Variants in MIR2052HG observed in about 807,000 individuals in gnomAD.
MIR2052HG encodes MIR2052 host gene.
At chr8:74,754,207 C>T (rs1056075388) in intron 5 of MIR2052HG, among the ~76,000 whole-genome samples, 3 of 152,206 alleles carry the variant, frequency 2.0e-5, no homozygotes, top group Non-Finnish European at 4.4e-5. Context: ...GCACTCAGCA[C>T]ATAGGAAGCA....
chr8:74,634,966 G>GAA (rs1808563447), intron 2 of MIR2052HG, among the ~76,000 whole-genome samples: 2 of 152,096 alleles, frequency 1.3e-5, no homozygotes, highest in South Asian at 4.1e-4. Context: ...TCAAAAGAAG[G>GAA]AAAATGTATA....
chr8:74,670,942 T>C (rs1358600127), intron 2 of MIR2052HG, among the ~76,000 whole-genome samples: 1 of 152,098 alleles, frequency 6.6e-6, no homozygotes, highest in African/African-American at 2.4e-5. Flanking sequence ...TTTTTTTCTC[T>C]CATTTATTTT....
chr8:74,659,254 C>T (rs569958768), intron 2 of MIR2052HG, among the ~76,000 whole-genome samples: 1 of 152,232 alleles, frequency 6.6e-6, no homozygotes, highest in South Asian at 2.1e-4. Context: ...CAAAACAGCA[C>T]TTTGATGAGT....
intron 2 of MIR2052HG, among the ~76,000 whole-genome samples, chr8:74,678,440 G>A (rs371888340): frequency 1.3e-5 from 2 of 151,920 alleles, no homozygotes; most frequent in East Asian, 1.9e-4. Context: ...GCAGGCGCCT[G>A]TAATCCCAGC....
chr8:74,641,932 A>G (rs2128735344), intron 2 of MIR2052HG, among the ~76,000 whole-genome samples: 1 of 152,276 alleles, frequency 6.6e-6, no homozygotes, highest in South Asian at 2.1e-4. Flanking sequence ...GGCCTTGTGC[A>G]GATGCCTGGG....
intron 1 of MIR2052HG, among the ~76,000 whole-genome samples, chr8:74,611,578 T>C (rs1261557158): frequency 6.6e-6 from 1 of 152,202 alleles, no homozygotes; most frequent in African/African-American, 2.4e-5. Flanking sequence ...ATAATCTTGC[T>C]TCAGAAAGTC....
intron 2 of MIR2052HG, among the ~76,000 whole-genome samples, chr8:74,641,463 AAAG>A (rs1392001826): frequency 1.3e-5 from 2 of 152,208 alleles, no homozygotes; most frequent in South Asian, 2.1e-4. Flanking sequence ...TTAAGAAAAA[AAAG>A]AAGCTCATTT....
chr8:74,740,566 T>A (rs962620348), intron 4 of MIR2052HG, among the ~76,000 whole-genome samples: 1 of 152,188 alleles, frequency 6.6e-6, no homozygotes, highest in Admixed American at 6.6e-5. Context: ...AGCTTATAGT[T>A]CATTATGAAA....
chr8:74,602,265 G>A (rs758188770), intron 1 of MIR2052HG, among the ~76,000 whole-genome samples: 3 of 152,132 alleles, frequency 2.0e-5, no homozygotes, highest in African/African-American at 7.2e-5. Context: ...TAATTATAAT[G>A]CATTAGCATG....
chr8:74,629,038 C>T (rs779769873), intron 2 of MIR2052HG, among the ~76,000 whole-genome samples: 7 of 152,018 alleles, frequency 4.6e-5, no homozygotes, highest in Non-Finnish European at 8.8e-5. Flanking sequence ...TTTTATTGAA[C>T]GAGGACTTTT....
intron 1 of MIR2052HG, chr8:74,609,823 A>C (rs978017969): frequency 6.6e-6 from 1 of 151,160 alleles, no homozygotes; most frequent in Non-Finnish European, 1.5e-5. Context: ...CACTATGAAC[A>C]TATGTGAAAA....
intron 5 of MIR2052HG, among the ~76,000 whole-genome samples, chr8:74,754,665 G>A (rs573948069): frequency 1.7e-4 from 26 of 152,296 alleles, no homozygotes; most frequent in African/African-American, 6.3e-4. Flanking sequence ...AGTGATGAAG[G>A]CGAGAAAGAG....
rs567096562 is a variant in MIR2052HG, at chr8:74,623,832, T to C, written n.216+10892T>C. On this transcript the variant is annotated intron_variant and non_coding_transcript_variant, in intron 2 of 6. Transcript: ENST00000523442. ...TCAATTGCTACATGGCTTGATGATC[T>C]GTATATAAGGGATATTGAACATTGA... Among the ~76,000 whole-genome samples, 19 of 152,352 alleles carry C rather than the reference T, an allele frequency of 1.2e-4. 2 individuals carry two copies. Among genetic ancestry groups the C allele is most frequent in the African/African-American group, 4.6e-4 (19 of 41,588 alleles).
chr8:74,712,456 A>G (rs1809477712), intron 4 of MIR2052HG, among the ~76,000 whole-genome samples: 1 of 152,208 alleles, frequency 6.6e-6, no homozygotes. Flanking sequence ...CATTTGGAAT[A>G]TCTTATATTT....
intron 2 of MIR2052HG, among the ~76,000 whole-genome samples, chr8:74,621,784 G>T (rs993119680): frequency 2.0e-5 from 3 of 152,162 alleles, no homozygotes; most frequent in Admixed American, 2.0e-4. Flanking sequence ...AGGCTGCCAA[G>T]ACCACGCTGT....
chr8:74,747,848 C>T lies in MIR2052HG; in HGVS notation n.372-4593C>T, dbSNP rs188296701. On this transcript the variant is annotated intron_variant and non_coding_transcript_variant, in intron 4 of 6. Transcript: ENST00000523442. ...CAATCTATAATGTATCATCACAGTG[C>T]CTTGGGAAGTAGTCAAGTCCTACAA... 7.0e-4 allele frequency among the ~76,000 whole-genome samples: 106 copies of T among 152,254 alleles called. No individual in the cohort carries two copies. In the Middle Eastern group the frequency reaches 0.01, roughly 15 times the overall value.
At chr8:74,632,788 T>C (rs73687186) in intron 2 of MIR2052HG, among the ~76,000 whole-genome samples, 1,921 of 152,252 alleles carry the variant, frequency 0.013, 42 homozygotes, top group African/African-American at 0.043. Context: ...CATGGCTCTT[T>C]TCTCTGAAGA....
intron 2 of MIR2052HG, among the ~76,000 whole-genome samples, chr8:74,626,211 A>G (rs1808434132): frequency 6.6e-6 from 1 of 152,200 alleles, no homozygotes; most frequent in Non-Finnish European, 1.5e-5. Flanking sequence ...GCCAGCAATT[A>G]TCACTGGATA....
chr8:74,640,788 C>G (rs536544218), intron 2 of MIR2052HG, among the ~76,000 whole-genome samples: 1 of 152,332 alleles, frequency 6.6e-6, no homozygotes, highest in East Asian at 1.9e-4. Context: ...AAAACAACCA[C>G]TTGAAACCCT....
Sources: gnomAD v4.1 joint callset for allele counts (sites outside exome capture counted in the v4.1 genomes callset) on GRCh38, gnomAD v4.1.1 for gene constraint, MANE v1.5 for transcripts, NCBI Gene and HGNC (gene_info 2026-07-23, HGNC 2026-07-21) for gene names.